ARMH4: variants seen among roughly 807,000 people sequenced by gnomAD.
ARMH4 encodes the protein armadillo-like helical domain-containing protein 4.
Under a neutral mutation model 61.9 loss-of-function variants are expected in ARMH4, and 49 were observed. That is an observed-to-expected ratio of 0.79 (90% CI 0.63 to 1.00). ARMH4 has a LOEUF of 1.00. ARMH4 is among the 50% of genes least tolerant of loss of function. The pLI, the probability that ARMH4 is intolerant of heterozygous loss-of-function variation, is 0.00. For synonymous variants in ARMH4, 368 were observed against 341.5 expected, an observed-to-expected ratio of 1.08 and a Z score of -0.85; for missense variants, 934 against 930.0, an observed-to-expected ratio of 1.00 and a Z score of -0.06.
chr14:58,094,195 G>T (rs10132903), intron 5 of ARMH4, among the ~76,000 whole-genome samples: 77,626 of 151,552 alleles, frequency 0.51, 20,141 homozygotes, highest in African/African-American at 0.55. Flanking sequence ...CTGGGCATGG[G>T]AGTGGGTACC....
chr14:58,148,087 T>C (rs1252219361), intron 1 of ARMH4, among the ~76,000 whole-genome samples: 1 of 152,198 alleles, frequency 6.6e-6, no homozygotes, highest in African/African-American at 2.4e-5. Context: ...TCTCGCTCTG[T>C]CGCCCAGGCT....
At chr14:58,102,977 T>C (rs1886050919) in intron 4 of ARMH4, among the ~76,000 whole-genome samples, 1 of 149,180 alleles carries the variant, frequency 6.7e-6, no homozygotes, top group Admixed American at 6.7e-5. Flanking sequence ...GTACTAAAAA[T>C]ACAAAATTAG....
At chr14:58,118,927 G>A (rs1234429633) in intron 4 of ARMH4, among the ~76,000 whole-genome samples, 1 of 152,164 alleles carries the variant, frequency 6.6e-6, no homozygotes, top group Non-Finnish European at 1.5e-5. Context: ...AAAAAATCCA[G>A]AGGGAGCAGC....
chr14:58,111,460 G>C (rs1384506969), intron 4 of ARMH4, among the ~76,000 whole-genome samples: 1 of 152,220 alleles, frequency 6.6e-6, no homozygotes, highest in Non-Finnish European at 1.5e-5. Flanking sequence ...GTGTTAGTAA[G>C]TTTGGGCTGT....
intron 5 of ARMH4, among the ~76,000 whole-genome samples, chr14:58,092,496 G>GATAACACAAAT (rs1249043207): frequency 6.6e-6 from 1 of 152,182 alleles, no homozygotes; most frequent in Non-Finnish European, 1.5e-5. Flanking sequence ...ACAAACTTCA[G>GATAACACAAAT]ATAACACAAA....
intron 5 of ARMH4, among the ~76,000 whole-genome samples, chr14:58,070,360 C>T (rs1378558334): frequency 6.6e-6 from 1 of 152,150 alleles, no homozygotes; most frequent in Non-Finnish European, 1.5e-5. Flanking sequence ...GGGGTTTCTA[C>T]ATGCTGACCT....
chr14:58,136,357 G>C (rs1208530855), intron 2 of ARMH4, among the ~76,000 whole-genome samples: 2 of 152,088 alleles, frequency 1.3e-5, no homozygotes, highest in Non-Finnish European at 2.9e-5. Context: ...ATGACTTAAT[G>C]CTCCAAAAGT....
chr14:58,103,551 T>G (rs1424105204), intron 4 of ARMH4, among the ~76,000 whole-genome samples: 2 of 151,998 alleles, frequency 1.3e-5, no homozygotes, highest in Admixed American at 6.6e-5. Flanking sequence ...TTAAAAACTT[T>G]GTGGACCTTC....
At chr14:58,109,651 A>G (rs1303732848) in intron 4 of ARMH4, among the ~76,000 whole-genome samples, 1 of 152,224 alleles carries the variant, frequency 6.6e-6, no homozygotes, top group Admixed American at 6.5e-5. Flanking sequence ...TATAAATTTT[A>G]TCAAAAGTTT....
chr14:58,126,938 G>A (rs1326415339), intron 4 of ARMH4, among the ~76,000 whole-genome samples: 1 of 151,744 alleles, frequency 6.6e-6, no homozygotes, highest in African/African-American at 2.4e-5. Flanking sequence ...ATGTGGCTGG[G>A]ATTATAGGTG....
chr14:58,050,585 C>A (rs1292678073), intron 5 of ARMH4, among the ~76,000 whole-genome samples: 1 of 152,034 alleles, frequency 6.6e-6, no homozygotes, highest in Non-Finnish European at 1.5e-5. Flanking sequence ...AAGAGCTGAG[C>A]TGTTGACTCA....
At chr14:58,011,838 T>C (rs1330398559) in intron 6 of ARMH4, among the ~76,000 whole-genome samples, 2 of 151,274 alleles carry the variant, frequency 1.3e-5, no homozygotes, top group East Asian at 3.9e-4. Flanking sequence ...CACCTTGATA[T>C]GTCAATGATA....
intron 1 of ARMH4, among the ~76,000 whole-genome samples, chr14:58,140,436 C>T (rs1466202131): frequency 2.7e-5 from 4 of 149,338 alleles, no homozygotes; most frequent in Non-Finnish European, 5.9e-5. Flanking sequence ...CAAAAATTAG[C>T]CAGGCATGGT....
Position 58,050,329 on chromosome 14 carries a change from C to T in ARMH4, c.2090-38179G>A, listed in dbSNP as rs76443563. Reference sequence around the variant, plus strand: ...GAGTAGAACTTCTGGCTGCTTTCCTCGCAGTTCAGGCCACACCAGCCTAAG... The same window carrying T: ...GAGTAGAACTTCTGGCTGCTTTCCTTGCAGTTCAGGCCACACCAGCCTAAG... On this transcript the variant is annotated intron_variant, in intron 5 of 7. Transcript: ENST00000267485. 7.2e-3 allele frequency among the ~76,000 whole-genome samples: 1,099 copies of T among 152,320 alleles called. 11 individuals are homozygous for T. The highest frequency in any genetic ancestry group is 0.025 in the African/African-American group (1,046 of 41,566).
chr14:58,071,602 G>T (rs1033243057), intron 5 of ARMH4, among the ~76,000 whole-genome samples: 3 of 151,956 alleles, frequency 2.0e-5, no homozygotes, highest in African/African-American at 7.3e-5. Flanking sequence ...AAACACCCCA[G>T]TGAGGAGTAA....
At chr14:58,141,404 G>C (rs1373823712) in intron 1 of ARMH4, 1 of 534,156 alleles carries the variant, frequency 1.9e-6, no homozygotes. Flanking sequence ...GACCAGCAGC[G>C]TCTGATATTT....
intron 5 of ARMH4, among the ~76,000 whole-genome samples, chr14:58,066,430 C>T (rs1884702271): frequency 6.6e-6 from 1 of 152,070 alleles, no homozygotes; most frequent in Admixed American, 6.6e-5. Flanking sequence ...GGAGTAATTG[C>T]TTCATAGGTA....
chr14:58,082,092 T>C (rs1283548857), intron 5 of ARMH4, among the ~76,000 whole-genome samples: 5 of 152,218 alleles, frequency 3.3e-5, no homozygotes, highest in Non-Finnish European at 7.3e-5. Context: ...CTCCTCACAC[T>C]AAACTGGTTA....
At chr14:58,133,955 G>C (rs1261588921) in intron 2 of ARMH4, among the ~76,000 whole-genome samples, 1 of 152,152 alleles carries the variant, frequency 6.6e-6, no homozygotes, top group Non-Finnish European at 1.5e-5. Flanking sequence ...AGGTTCCAGA[G>C]CCAACCTGCC....
Sources: allele counts gnomAD v4.1 joint callset (sites outside exome capture counted in the v4.1 genomes callset), GRCh38; gene constraint gnomAD v4.1.1; transcripts MANE v1.5; gene names NCBI Gene and HGNC (gene_info 2026-07-23, HGNC 2026-07-21).